Variants in THRAP3 observed in about 807,000 individuals in gnomAD.
THRAP3 encodes the protein thyroid hormone receptor associated protein 3.
A neutral mutation model predicts 101.0 loss-of-function variants in THRAP3; 16 were observed. The ratio of observed to expected loss-of-function variants is 0.16; its 90% CI spans 0.11 to 0.24. The LOEUF (loss-of-function observed/expected upper bound fraction) is 0.24, where lower values mean the gene tolerates loss of function less well. Among genes scored for constraint, THRAP3 ranks in the 10% least tolerant of loss-of-function variants. THRAP3 has a pLI of 1.00. For missense variants in THRAP3, 989 were observed against 1,202.7 expected (o/e 0.82, Z 2.63); for synonymous variants, 407 against 422.6 (o/e 0.96, Z 0.45).
At chr1:36,284,009 A>G (rs1645765975) in intron 3 of THRAP3, among the ~76,000 whole-genome samples, 1 of 152,210 alleles carries the variant, frequency 6.6e-6, no homozygotes, top group African/African-American at 2.4e-5. Flanking sequence ...CCCTGTACCC[A>G]GAATCTTGAT....
intron 1 of THRAP3, among the ~76,000 whole-genome samples, chr1:36,259,019 A>C (rs1364267022): frequency 2.0e-5 from 3 of 152,218 alleles, no homozygotes; most frequent in African/African-American, 7.2e-5. Context: ...AATTCATTTT[A>C]ATATACTTCT....
rs113469683 is a variant in THRAP3 at position 36,255,772 on chromosome 1, C to CAA, written c.-134-3598_-134-3597dup. 3.1e-3 allele frequency among the ~76,000 whole-genome samples: 416 copies of CAA among 132,214 alleles called. 3 individuals carry two copies. The highest frequency in any genetic ancestry group is 4.4e-3 in the African/African-American group (159 of 35,910). 86.7% of individuals were successfully genotyped at this position (132,214 alleles called of 152,430 possible). On this transcript the variant is annotated intron_variant, in intron 1 of 11. Transcript: ENST00000354618. ...TGGGTGAGGGAGTGAGACTCTGTCT[C>CAA]AAAAAAAAAAAAAGAAAAGAAAGAA...
intron 2 of THRAP3, 135 bp from the exon 3 acceptor site, chr1:36,282,398 T>A (rs965740750): frequency 4.1e-4 from 128 of 312,052 alleles, no homozygotes; most frequent in East Asian, 1.9e-3. Context: ...AAAAAAAAAT[T>A]TTTTTTTTTT....
At chr1:36,250,275 G>A (rs780154435) in intron 1 of THRAP3, among the ~76,000 whole-genome samples, 39 of 150,294 alleles carry the variant, frequency 2.6e-4, no homozygotes, top group Non-Finnish European at 4.9e-4. Context: ...GGGCAGTGGC[G>A]CGATCTCAGC....
chr1:36,256,091 A>T (rs1345421358), intron 1 of THRAP3, among the ~76,000 whole-genome samples: 1 of 151,838 alleles, frequency 6.6e-6, no homozygotes, highest in Admixed American at 6.6e-5. Context: ...AACATGGCTC[A>T]TTGCAGCCTC....
chr1:36,292,256 C>CGTTTTTTTTTTTTTTTTTTTT, intron 6 of THRAP3, among the ~76,000 whole-genome samples: 1 of 54,534 alleles, frequency 1.8e-5, no homozygotes, highest in Admixed American at 3.7e-4. Flanking sequence ...TAATGTGTTT[C>CGTTTTTTTTTTTTTTTTTTTT]TTTGTTTCTT....
chr1:36,216,379 G>A, the THRAP3 span, among the ~76,000 whole-genome samples: 1 of 150,918 alleles, frequency 6.6e-6, no homozygotes, highest in East Asian at 2.0e-4. Flanking sequence ...AATTAGCTGT[G>A]TTTGGTGGCG....
intron 2 of THRAP3, among the ~76,000 whole-genome samples, chr1:36,264,198 C>T (rs1193974117): frequency 6.6e-6 from 1 of 152,148 alleles, no homozygotes; most frequent in African/African-American, 2.4e-5. Flanking sequence ...TAATAAATAG[C>T]AAGAAAATAG....
At chr1:36,260,560 C>T (rs1201196060) in intron 2 of THRAP3, among the ~76,000 whole-genome samples, 2 of 152,162 alleles carry the variant, frequency 1.3e-5, no homozygotes, top group Non-Finnish European at 2.9e-5. Flanking sequence ...ACCTGGCTCA[C>T]GCCTGTAATC....
At chr1:36,258,974 A>C (rs1319332943) in intron 1 of THRAP3, among the ~76,000 whole-genome samples, 2 of 152,232 alleles carry the variant, frequency 1.3e-5, no homozygotes, top group Non-Finnish European at 2.9e-5. Context: ...ATGGGTAGGT[A>C]CGGAGAGTTA....
intron 1 of THRAP3, among the ~76,000 whole-genome samples, chr1:36,235,423 A>G (rs903189551): frequency 3.3e-5 from 5 of 152,170 alleles, no homozygotes; most frequent in Non-Finnish European, 7.3e-5. Context: ...AAGGATACCA[A>G]AAAGGCAATA....
chr1:36,246,550 T>G (rs1286756933), intron 1 of THRAP3, among the ~76,000 whole-genome samples: 1 of 151,306 alleles, frequency 6.6e-6, no homozygotes, highest in East Asian at 2.0e-4. Flanking sequence ...TTTTAAAAAA[T>G]AAATAACATG....
intron 4 of THRAP3, chr1:36,287,962 G>T: frequency 1.0e-6 from 1 of 978,510 alleles, no homozygotes; most frequent in Non-Finnish European, 1.2e-6. Flanking sequence ...CCAGGTTGTG[G>T]TCAAGAGGGA....
At chr1:36,239,126 G>A (rs944289376) in intron 1 of THRAP3, among the ~76,000 whole-genome samples, 2 of 151,150 alleles carry the variant, frequency 1.3e-5, no homozygotes, top group Admixed American at 6.6e-5. Context: ...GGATGGTCTC[G>A]ATCTCCTGAG....
intron 8 of THRAP3, 97 bp downstream of exon 8, chr1:36,294,032 T>C (rs1201545369): frequency 1.3e-6 from 2 of 1,537,866 alleles, no homozygotes; most frequent in Non-Finnish European, 1.8e-6. Context: ...CTACTTAAGT[T>C]TGTGTTTTTC....
intron 1 of THRAP3, among the ~76,000 whole-genome samples, chr1:36,238,164 C>T (rs986592431): frequency 4.6e-5 from 7 of 152,068 alleles, no homozygotes; most frequent in Non-Finnish European, 7.4e-5. Context: ...GACAGGGTCT[C>T]GTTTTGTTGC....
At chr1:36,217,171 C>G in the THRAP3 span, among the ~76,000 whole-genome samples, 1 of 152,160 alleles carries the variant, frequency 6.6e-6, no homozygotes, top group East Asian at 1.9e-4. Context: ...AAACAATTAA[C>G]TACACACTTA....
chr1:36,229,079 T>C (rs1385782725), intron 1 of THRAP3, among the ~76,000 whole-genome samples: 1 of 152,176 alleles, frequency 6.6e-6, no homozygotes, highest in African/African-American at 2.4e-5. Context: ...ATTGACTTTA[T>C]TAATTTTTCA....
At chr1:36,230,532 G>A (rs925461701) in intron 1 of THRAP3, among the ~76,000 whole-genome samples, 2 of 152,130 alleles carry the variant, frequency 1.3e-5, no homozygotes, top group Admixed American at 6.6e-5. Flanking sequence ...CAAAGTGCTG[G>A]GATTACAGGC....
Sources: gnomAD v4.1 joint callset for allele counts (sites outside exome capture counted in the v4.1 genomes callset) on GRCh38, gnomAD v4.1.1 for gene constraint, MANE v1.5 for transcripts, NCBI Gene and HGNC (gene_info 2026-07-23, HGNC 2026-07-21) for gene names.